The following THSD7A variants were observed in gnomAD, a reference collection of about 807,000 sequenced individuals.
THSD7A encodes thrombospondin type 1 domain containing 7A, also known as thrombospondin type-1 domain-containing protein 7A.
In THSD7A, 96 loss-of-function variants were observed where a neutral mutation model predicts 231.3. That is an observed-to-expected ratio of 0.41 (90% confidence interval 0.35 to 0.49). The LOEUF (loss-of-function observed/expected upper bound fraction) is 0.49, where lower values mean the gene tolerates loss of function less well. THSD7A is among the 20% of genes least tolerant of loss of function. THSD7A has a pLI of 0.05. For missense variants in THSD7A, 2,290 were observed against 2,070.2 expected (o/e 1.11, Z -2.06); for synonymous variants, 940 against 743.3 (o/e 1.26, Z -4.30).
Position 11,744,763 on chromosome 7 carries a change from A to G in THSD7A, c.190+86994T>C, listed in dbSNP as rs370598558. On this transcript the variant is annotated intron_variant, in intron 1 of 27. Transcript: ENST00000423059. ...AGCTTCATCCATGTCCCTACAAAGG[A>G]CATGAACTCATCCTTTTTTATGGCT... Among the ~76,000 whole-genome samples, 309 of 152,140 alleles carry G rather than the reference A, an allele frequency of 2.0e-3. 2 individuals are homozygous for G. Among genetic ancestry groups the G allele is most frequent in the East Asian group, 0.015 (78 of 5,136 alleles).
intron 1 of THSD7A, among the ~76,000 whole-genome samples, chr7:11,644,442 A>G (rs1324076818): frequency 3.3e-5 from 5 of 151,960 alleles, no homozygotes. Context: ...ATTTCTTTCA[A>G]AGGAAAAATA....
intron 8 of THSD7A, among the ~76,000 whole-genome samples, chr7:11,473,303 A>C (rs1006699507): frequency 6.6e-6 from 1 of 152,136 alleles, no homozygotes; most frequent in Non-Finnish European, 1.5e-5. Context: ...TGAAATTCTT[A>C]AGAAAAAGAC....
intron 6 of THSD7A, among the ~76,000 whole-genome samples, chr7:11,500,710 C>A (rs533051318): frequency 2.0e-5 from 3 of 151,948 alleles, no homozygotes; most frequent in Non-Finnish European, 2.9e-5. Flanking sequence ...GGGGCCAAGG[C>A]GGGTGGATCA....
At chr7:11,457,039 C>G (rs1055766826) in intron 11 of THSD7A, among the ~76,000 whole-genome samples, 39 of 151,644 alleles carry the variant, frequency 2.6e-4, no homozygotes, top group Non-Finnish European at 5.9e-5. Context: ...CAAGTGCAAA[C>G]TTGTTAGAGA....
chr7:11,754,380 T>C (rs1435454406), intron 1 of THSD7A, among the ~76,000 whole-genome samples: 1 of 152,018 alleles, frequency 6.6e-6, no homozygotes, highest in Non-Finnish European at 1.5e-5. Context: ...TGAAGTGACA[T>C]TGTGGAGCCA....
chr7:11,479,942 A>G (rs1452181704), intron 7 of THSD7A, among the ~76,000 whole-genome samples: 1 of 152,192 alleles, frequency 6.6e-6, no homozygotes, highest in African/African-American at 2.4e-5. Flanking sequence ...TGCTAAAAGA[A>G]ATGATAAATG....
rs533953076 is a variant in THSD7A at position 11,769,860 on chromosome 7, T to C, written c.190+61897A>G. Among the ~76,000 whole-genome samples the C allele has an allele frequency of 1.7e-3, 257 of 152,340 alleles. 2 individuals carry two copies. Among genetic ancestry groups the C allele is most frequent in the African/African-American group, 5.8e-3 (243 of 41,586 alleles). On this transcript the variant is annotated intron_variant, in intron 1 of 27. Coordinates refer to ENST00000423059, the MANE Select transcript of THSD7A (RefSeq NM_015204.3). ...TCTGTATGATTACTTGCAATATCTA[T>C]AGCAGTGATTAATTTCAAGTATCTT...
intron 1 of THSD7A, among the ~76,000 whole-genome samples, chr7:11,818,466 G>T (rs1784776383): frequency 6.6e-6 from 1 of 152,200 alleles, no homozygotes. Context: ...AACAATGTGT[G>T]TCAACGGGAA....
chr7:11,602,069 T>A (rs1041918512), intron 2 of THSD7A, among the ~76,000 whole-genome samples: 19 of 152,332 alleles, frequency 1.2e-4, no homozygotes, highest in Middle Eastern at 3.4e-3. Flanking sequence ...CTGGTATCAC[T>A]GTCTCAAAGA....
chr7:11,613,939 G>C (rs1781021424), intron 2 of THSD7A, among the ~76,000 whole-genome samples: 5 of 152,118 alleles, frequency 3.3e-5, no homozygotes. Flanking sequence ...GAACTTATTT[G>C]CAAATGAACA....
chr7:11,673,976 G>C (rs1783526816), intron 1 of THSD7A, among the ~76,000 whole-genome samples: 1 of 151,954 alleles, frequency 6.6e-6, no homozygotes, highest in South Asian at 2.1e-4. Flanking sequence ...GCCCTGTCCA[G>C]GGATCTTCGA....
At chr7:11,391,230 T>C (rs1404735919) in intron 23 of THSD7A, among the ~76,000 whole-genome samples, 6 of 152,122 alleles carry the variant, frequency 3.9e-5, no homozygotes, top group South Asian at 2.1e-4. Flanking sequence ...CCCAGGGAGA[T>C]AGATAGGAGT....
chr7:11,790,128 A>G (rs938771627), intron 1 of THSD7A, among the ~76,000 whole-genome samples: 7 of 152,058 alleles, frequency 4.6e-5, no homozygotes, highest in Admixed American at 4.6e-4. Flanking sequence ...TTAATTTCAA[A>G]AATCAGAGTT....
At chr7:11,796,504 A>T (rs1449710741) in intron 1 of THSD7A, among the ~76,000 whole-genome samples, 1 of 151,938 alleles carries the variant, frequency 6.6e-6, no homozygotes, top group African/African-American at 2.4e-5. Context: ...TAATATTAAA[A>T]TTTCCATCCA....
chr7:11,439,712 T>C (rs1317983617), intron 13 of THSD7A, among the ~76,000 whole-genome samples: 1 of 152,042 alleles, frequency 6.6e-6, no homozygotes, highest in Non-Finnish European at 1.5e-5. Flanking sequence ...TTCAGCTCTA[T>C]GCAGGCTGAG....
At chr7:11,429,304 C>T (rs919721420) in intron 13 of THSD7A, among the ~76,000 whole-genome samples, 179 bp from the exon 14 acceptor site, 1 of 152,214 alleles carries the variant, frequency 6.6e-6, no homozygotes, top group Non-Finnish European at 1.5e-5. Context: ...CACATACATA[C>T]AGTGACTCTG....
chr7:11,385,459 T>A (rs775672851), intron 23 of THSD7A: 1 of 152,094 alleles, frequency 6.6e-6, no homozygotes, highest in Non-Finnish European at 1.5e-5. Context: ...TCTCTTCTAG[T>A]TCAAGTTTGG....
At chr7:11,658,074 A>G (rs1446692540) in intron 1 of THSD7A, among the ~76,000 whole-genome samples, 1 of 151,754 alleles carries the variant, frequency 6.6e-6, no homozygotes, top group East Asian at 1.9e-4. Context: ...AGTGAGGCGA[A>G]CATAAAAAAT....
At chr7:11,706,262 C>G (rs548452865) in intron 1 of THSD7A, among the ~76,000 whole-genome samples, 2 of 150,966 alleles carry the variant, frequency 1.3e-5, no homozygotes, top group South Asian at 4.1e-4. Context: ...TGTCCCATGT[C>G]AACCCAAGTG....
Sources: gnomAD v4.1 joint callset for allele counts (sites outside exome capture counted in the v4.1 genomes callset) on GRCh38, gnomAD v4.1.1 for gene constraint, MANE v1.5 for transcripts, NCBI Gene and HGNC (gene_info 2026-07-23, HGNC 2026-07-21) for gene names.